SLCO5A1: variants seen among roughly 807,000 people sequenced by gnomAD.
SLCO5A1 encodes the protein solute carrier organic anion transporter family member 5A1, also known as organic anion transporter polypeptide-related protein 4.
SLCO5A1 carries 39 observed loss-of-function variants against 65.1 expected under a neutral mutation model. The ratio of observed to expected loss-of-function variants is 0.60; its 90% CI spans 0.46 to 0.78. SLCO5A1 has a LOEUF of 0.78. Ranked by LOEUF, SLCO5A1 falls within the 30% of genes least tolerant of loss-of-function variation. The probability of loss-of-function intolerance (pLI) is 0.00; values close to 1 mark genes in which losing one functional copy is unlikely to be tolerated. For synonymous variants in SLCO5A1, 438 were observed against 415.7 expected (o/e 1.05, Z -0.65); for missense variants, 1,029 against 1,069.4 (o/e 0.96, Z 0.53).
intron 2 of SLCO5A1, among the ~76,000 whole-genome samples, chr8:69,823,737 G>A (rs544178717): frequency 6.6e-6 from 1 of 152,150 alleles, no homozygotes; most frequent in Admixed American, 6.5e-5. Flanking sequence ...AGTTAATAAG[G>A]ATACCCAGGA....
chr8:69,678,050 C>T (rs926552365), intron 8 of SLCO5A1, among the ~76,000 whole-genome samples: 8 of 152,174 alleles, frequency 5.3e-5, no homozygotes, highest in South Asian at 2.1e-4. Flanking sequence ...ATCAACACAC[C>T]GATGTGAATG....
chr8:69,782,260 AT>A (rs1189574061), intron 2 of SLCO5A1, among the ~76,000 whole-genome samples: 1 of 152,112 alleles, frequency 6.6e-6, no homozygotes, highest in Non-Finnish European at 1.5e-5. Flanking sequence ...AACATCAAAA[AT>A]TATAAGTTAT....
intron 2 of SLCO5A1, among the ~76,000 whole-genome samples, chr8:69,820,741 GA>G (rs932388886): frequency 4.0e-5 from 6 of 151,624 alleles, no homozygotes; most frequent in Admixed American, 2.6e-4. Context: ...CATATTCAGA[GA>G]AAAAAATCAA....
At chr8:69,787,550 G>A (rs1819084427) in intron 2 of SLCO5A1, among the ~76,000 whole-genome samples, 1 of 152,150 alleles carries the variant, frequency 6.6e-6, no homozygotes, top group African/African-American at 2.4e-5. Flanking sequence ...TGGTGCCTGA[G>A]GATGTATGTT....
At chr8:69,806,676 C>T (rs1269691686) in intron 2 of SLCO5A1, among the ~76,000 whole-genome samples, 8 of 152,172 alleles carry the variant, frequency 5.3e-5, no homozygotes, top group South Asian at 2.1e-4. Context: ...ACCCACCTCC[C>T]TTTACAGAAT....
At chr8:69,828,384 C>G (rs7837558) in intron 2 of SLCO5A1, among the ~76,000 whole-genome samples, 2,063 of 151,868 alleles carry the variant, frequency 0.014, 19 homozygotes, top group Non-Finnish European at 0.024. Flanking sequence ...GGGTGGATCA[C>G]GAGGTCAGGA....
rs116404785 is a variant in SLCO5A1, at chr8:69,734,122, G to A, written c.1423+3918C>T. Among the ~76,000 whole-genome samples the A allele has an allele frequency of 4.4e-3, 664 of 152,184 alleles. 3 individuals are homozygous for A. The highest frequency in any genetic ancestry group is 0.015 in the African/African-American group (612 of 41,524). ...TCAGACATTGGTGTCACCACCTCCC[G>A]CCAGGCACAAGTGTCCTCAAGTGAT... On this transcript the variant is annotated intron_variant, in intron 5 of 9. Coordinates refer to ENST00000260126, the MANE Select transcript of SLCO5A1 (RefSeq NM_030958.3).
At chr8:69,748,228 A>G (rs1468041165) in intron 4 of SLCO5A1, among the ~76,000 whole-genome samples, 4 of 152,212 alleles carry the variant, frequency 2.6e-5, no homozygotes, top group Admixed American at 2.6e-4. Context: ...CATGGCTGCC[A>G]GGGCCTAAAA....
At chr8:69,731,583 T>C (rs1816338405) in intron 5 of SLCO5A1, among the ~76,000 whole-genome samples, 1 of 152,262 alleles carries the variant, frequency 6.6e-6, no homozygotes, top group Non-Finnish European at 1.5e-5. Flanking sequence ...CTGAGTGTTC[T>C]GACTTTTTGT....
intron 6 of SLCO5A1, among the ~76,000 whole-genome samples, chr8:69,697,987 T>G (rs547756989): frequency 6.6e-6 from 1 of 152,270 alleles, no homozygotes; most frequent in African/African-American, 2.4e-5. Flanking sequence ...CAGTACTCAA[T>G]GGGCAGTTTT....
At chr8:69,783,703 T>C (rs1818901066) in intron 2 of SLCO5A1, among the ~76,000 whole-genome samples, 1 of 152,128 alleles carries the variant, frequency 6.6e-6, no homozygotes, top group African/African-American at 2.4e-5. Context: ...AATCAGTAGT[T>C]ATTTGGTGAA....
chr8:69,683,901 A>G (rs1692792760), intron 6 of SLCO5A1, among the ~76,000 whole-genome samples: 3 of 152,158 alleles, frequency 2.0e-5, no homozygotes, highest in Non-Finnish European at 4.4e-5. Flanking sequence ...CCACTTATAC[A>G]GTAGCATAGC....
intron 6 of SLCO5A1, among the ~76,000 whole-genome samples, chr8:69,684,103 T>C (rs980453387): frequency 1.3e-5 from 2 of 151,250 alleles, no homozygotes; most frequent in African/African-American, 4.9e-5. Context: ...TGTCGCTCCA[T>C]AGAAAAAAAG....
Position 69,832,987 on chromosome 8 carries a change from C to T in SLCO5A1, c.-314G>A, listed in dbSNP as rs1177024603. The T allele has an allele frequency of 2.7e-6, 1 of 372,512 alleles. No individual in the cohort carries two copies. Among genetic ancestry groups the T allele is most frequent in the Admixed American group, 4.9e-5 (1 of 20,358 alleles). The allele number at this position is 372,512 out of a possible 1,614,324, so 23.1% of individuals were successfully genotyped here. A position where few individuals can be genotyped will look rare whatever the true frequency, so the allele number is the denominator to read the frequency against. The stretch of plus-strand genomic sequence containing the variant: ...GCAGGCGCCTCGCGCGTCCCGGGCT[C>T]ATCCCCTCCGCCGCCGCCGCCGCCG... On this transcript the variant is annotated 5_prime_UTR_variant, in exon 2 of 10. An upstream start codon of the reference 5' UTR is lost. Transcript: ENST00000260126. The surrounding 1 kb of genome is among the most constrained non-coding windows in gnomAD (Gnocchi z 4.5).
rs770348670 is a variant in SLCO5A1 at position 69,832,418 on chromosome 8, G to T, written c.256C>A (p.Pro86Thr). The change falls in exon 2 of 10, where the codon CCG becomes ACG. Residue 86 changes from proline to threonine, a missense_variant. This residue lies in a region of SLCO5A1 where 647 missense variants were observed against 647.5 expected (regional missense o/e 1.00). Coordinates refer to ENST00000260126, the MANE Select transcript of SLCO5A1 (RefSeq NM_030958.3). The surrounding 1 kb of genome is among the most constrained non-coding windows in gnomAD (Gnocchi z 4.5). ...PNPLAPSPSA[P>T]STSAGLGDCN... ...TCCCCGAGCCCCGCCGAAGTGGACGGGGCAGAGGGACTGGGGGCCAACGGG... is the reference window on the plus strand; with the variant it reads ...TCCCCGAGCCCCGCCGAAGTGGACGTGGCAGAGGGACTGGGGGCCAACGGG... 1.2e-6 allele frequency: 2 copies of T among 1,612,914 alleles called. No individual in the cohort carries two copies. The highest frequency in any genetic ancestry group is 4.5e-5 in the East Asian group (2 of 44,862).
At chr8:69,748,659 A>G (rs1817145102) in intron 4 of SLCO5A1, among the ~76,000 whole-genome samples, 1 of 152,250 alleles carries the variant, frequency 6.6e-6, no homozygotes, top group Non-Finnish European at 1.5e-5. Flanking sequence ...AATCATCATT[A>G]TCAGAAACAC....
At chr8:69,828,438 T>C (rs1368955613) in intron 2 of SLCO5A1, among the ~76,000 whole-genome samples, 5 of 151,834 alleles carry the variant, frequency 3.3e-5, no homozygotes, top group Admixed American at 2.6e-4. Context: ...CTGTCTCTAC[T>C]AAAAATACAA....
intron 2 of SLCO5A1, among the ~76,000 whole-genome samples, chr8:69,812,914 T>C (rs556928945): frequency 1.2e-4 from 18 of 152,344 alleles, no homozygotes; most frequent in South Asian, 8.3e-4. Flanking sequence ...TTTCATCTTG[T>C]TAAAAGTTGC....
chr8:69,737,941 GC>G (rs1375235434), intron 5 of SLCO5A1, 98 bp downstream of exon 5: 12 of 1,314,214 alleles, frequency 9.1e-6, no homozygotes, highest in Admixed American at 6.6e-5. Flanking sequence ...TAATGAACTA[GC>G]TTAACACTTC....
Sources: gnomAD v4.1 joint callset for allele counts (sites outside exome capture counted in the v4.1 genomes callset) on GRCh38, gnomAD v4.1.1 for gene constraint, gnomAD v4.1.1 regional missense constraint, Gnocchi (gnomAD v3.1) non-coding constraint, MANE v1.5 for transcripts, NCBI Gene and HGNC (gene_info 2026-07-23, HGNC 2026-07-21) for gene names.